KCNN2: variants seen among roughly 807,000 people sequenced by gnomAD.
KCNN2 encodes potassium calcium-activated channel subfamily N member 2, also known as small conductance calcium-activated potassium channel protein 2.
Under a neutral mutation model 55.5 loss-of-function variants are expected in KCNN2, and 24 were observed. That is an observed-to-expected ratio of 0.43 (90% confidence interval 0.31 to 0.61). The LOEUF is 0.61. Ranked by LOEUF, KCNN2 falls within the 20% of genes least tolerant of loss-of-function variation. The pLI is 0.08. For missense variants in KCNN2, 754 were observed against 853.6 expected (o/e 0.88, Z 1.45); for synonymous variants, 431 against 336.1 (o/e 1.28, Z -3.09).
intron 3 of KCNN2, among the ~76,000 whole-genome samples, chr5:114,430,970 T>C (rs1759774471): frequency 6.6e-6 from 1 of 152,168 alleles, no homozygotes; most frequent in East Asian, 1.9e-4. Flanking sequence ...TAAAAGTGTT[T>C]TGTACTTTAA....
chr5:114,073,025 A>T (rs755399519), intron 1 of KCNN2, among the ~76,000 whole-genome samples: 10 of 152,196 alleles, frequency 6.6e-5, no homozygotes, highest in Admixed American at 3.3e-4. Flanking sequence ...GTCATTCATG[A>T]ACAGGAGACA....
At chr5:114,404,922 A>G in intron 3 of KCNN2, 66 bp downstream of exon 3, 1 of 1,449,984 alleles carries the variant, frequency 6.9e-7, no homozygotes, top group South Asian at 1.4e-5. Flanking sequence ...AAGAAAAAAA[A>G]AATTTTAGAC....
intron 2 of KCNN2, among the ~76,000 whole-genome samples, chr5:114,370,105 A>G (rs1373776568): frequency 6.6e-6 from 1 of 152,150 alleles, no homozygotes; most frequent in African/African-American, 2.4e-5. Flanking sequence ...TAATAATTCT[A>G]TTTATAAAAC....
At chr5:114,488,776 C>A (rs909246873) in intron 6 of KCNN2, among the ~76,000 whole-genome samples, 2 of 152,184 alleles carry the variant, frequency 1.3e-5, no homozygotes, top group African/African-American at 4.8e-5. Flanking sequence ...GTAACCCCAA[C>A]ACATTCATAC....
chr5:114,435,133 T>C (rs13154440), intron 3 of KCNN2, among the ~76,000 whole-genome samples: 1 of 142,312 alleles, frequency 7.0e-6, no homozygotes, highest in African/African-American at 2.5e-5. Context: ...CCTCACCCCT[T>C]ACCCCTCACC....
At chr5:114,383,191 T>C (rs1758177673) in intron 2 of KCNN2, among the ~76,000 whole-genome samples, 1 of 152,094 alleles carries the variant, frequency 6.6e-6, no homozygotes, top group Non-Finnish European at 1.5e-5. Context: ...TGCATAAGTT[T>C]TTCTTAGTTT....
chr5:114,141,396 C>T (rs549773100), intron 1 of KCNN2, among the ~76,000 whole-genome samples: 23 of 151,764 alleles, frequency 1.5e-4, no homozygotes, highest in Middle Eastern at 6.8e-3. Flanking sequence ...TTTTTTTGTC[C>T]TTGTGATAGT....
intron 2 of KCNN2, among the ~76,000 whole-genome samples, chr5:114,297,247 G>A (rs1232938990): frequency 6.6e-6 from 1 of 152,146 alleles, no homozygotes; most frequent in African/African-American, 2.4e-5. Flanking sequence ...AAGTCCAGGA[G>A]TTGGAGGTTA....
intron 2 of KCNN2, among the ~76,000 whole-genome samples, chr5:114,370,442 G>A (rs1169666407): frequency 6.6e-6 from 1 of 152,058 alleles, no homozygotes; most frequent in Admixed American, 6.6e-5. Context: ...GGGTTAAAGA[G>A]AGACAAAAAA....
chr5:114,489,404 G>A (rs1272271115), intron 6 of KCNN2, among the ~76,000 whole-genome samples: 4 of 152,112 alleles, frequency 2.6e-5, no homozygotes, highest in Non-Finnish European at 5.9e-5. Flanking sequence ...CTGTGGAGTC[G>A]CTTGCACGGG....
At chr5:114,185,443 A>G (rs1045872205) in intron 1 of KCNN2, among the ~76,000 whole-genome samples, 2 of 152,246 alleles carry the variant, frequency 1.3e-5, no homozygotes, top group Admixed American at 6.5e-5. Flanking sequence ...GCGGAGCCTC[A>G]GGAAGTTCAT....
chr5:114,494,747 T>C (rs535072542), intron 7 of KCNN2, among the ~76,000 whole-genome samples: 1 of 152,270 alleles, frequency 6.6e-6, no homozygotes, highest in East Asian at 1.9e-4. Flanking sequence ...CAGTATTTTC[T>C]TAAATGAATG....
chr5:114,166,919 A>G (rs542318907), intron 1 of KCNN2, among the ~76,000 whole-genome samples: 1 of 152,216 alleles, frequency 6.6e-6, no homozygotes, highest in African/African-American at 2.4e-5. Context: ...ATACAAATAG[A>G]AGCTGGCTAT....
chr5:114,383,464 CTTTTTTTT>C (rs66787954), intron 2 of KCNN2, among the ~76,000 whole-genome samples: 3 of 102,696 alleles, frequency 2.9e-5, no homozygotes, highest in African/African-American at 1.4e-4. Context: ...CCACTAAATG[CTTTTTTTT>C]TTTTTTTTTT....
chr5:114,092,181 T>C (rs1029332994), intron 1 of KCNN2, among the ~76,000 whole-genome samples: 1 of 152,208 alleles, frequency 6.6e-6, no homozygotes, highest in Non-Finnish European at 1.5e-5. Context: ...GGGTAAATGC[T>C]CCTGTTTCAG....
intron 2 of KCNN2, among the ~76,000 whole-genome samples, chr5:114,320,280 T>G (rs1340235064): frequency 6.6e-6 from 1 of 151,978 alleles, no homozygotes; most frequent in East Asian, 1.9e-4. Flanking sequence ...GGTATTAGAT[T>G]AGTGAGGGTT....
chr5:114,406,397 G>A (rs150634110), intron 3 of KCNN2, among the ~76,000 whole-genome samples: 108 of 150,770 alleles, frequency 7.2e-4, no homozygotes, highest in Non-Finnish European at 1.3e-3. Flanking sequence ...CCAAAAAAGT[G>A]ATTTTTATCT....
At chr5:114,202,587 T>TATATATATATATA (rs1368706421) in intron 1 of KCNN2, among the ~76,000 whole-genome samples, 1 of 88,222 alleles carries the variant, frequency 1.1e-5, no homozygotes, top group African/African-American at 5.1e-5. Flanking sequence ...ATATATATAT[T>TATATATATATATA]TTTTTTTTTT....
chr5:114,073,879 C>T (rs762506030), intron 1 of KCNN2, among the ~76,000 whole-genome samples: 1 of 152,172 alleles, frequency 6.6e-6, no homozygotes, highest in Non-Finnish European at 1.5e-5. Context: ...ACGCTTAAAA[C>T]TTGCTTTAGT....
Sources: gnomAD v4.1 joint callset for allele counts (sites outside exome capture counted in the v4.1 genomes callset) on GRCh38, gnomAD v4.1.1 for gene constraint, MANE v1.5 for transcripts, NCBI Gene and HGNC (gene_info 2026-07-23, HGNC 2026-07-21) for gene names.